Variants in SPSB1 observed in about 807,000 individuals in gnomAD.
SPSB1 encodes the protein splA/ryanodine receptor domain and SOCS box containing 1.
SPSB1 carries 8 observed loss-of-function variants against 21.2 expected under a neutral mutation model. That is an observed-to-expected ratio of 0.38 (90% CI 0.22 to 0.68). The LOEUF (loss-of-function observed/expected upper bound fraction) is 0.68. Ranked by LOEUF, SPSB1 falls within the 30% of genes least tolerant of loss-of-function variation. The pLI, the probability that SPSB1 is intolerant of heterozygous loss-of-function variation, is 0.53. For synonymous variants in SPSB1, 169 were observed against 161.7 expected, an observed-to-expected ratio of 1.05 and a Z score of -0.34; for missense variants, 242 against 377.8, an observed-to-expected ratio of 0.64 and a Z score of 2.98.
chr1:9,339,236 C>T, intron 1 of SPSB1: 1 of 985,394 alleles, frequency 1.0e-6, no homozygotes, highest in Non-Finnish European at 1.2e-6. Flanking sequence ...CAGGCACTTG[C>T]CTAGAATATT....
intron 1 of SPSB1, among the ~76,000 whole-genome samples, chr1:9,327,787 C>T (rs185644827): frequency 1.6e-4 from 25 of 152,336 alleles, no homozygotes; most frequent in African/African-American, 5.5e-4. Context: ...GACTCTGTAG[C>T]GTGAAAGCAG....
chr1:9,309,315 T>G (rs1639478481), intron 1 of SPSB1, among the ~76,000 whole-genome samples: 1 of 150,344 alleles, frequency 6.7e-6, no homozygotes, highest in African/African-American at 2.5e-5. Context: ...TGTGTGTGTG[T>G]GTGTGTGTGT....
intron 1 of SPSB1, among the ~76,000 whole-genome samples, chr1:9,343,807 A>G (rs2100503822): frequency 6.6e-6 from 1 of 151,768 alleles, no homozygotes; most frequent in South Asian, 2.1e-4. Context: ...TTTTTTTGAG[A>G]CAGAGTCTCG....
rs573650871 is a variant in SPSB1 at position 9,316,994 on chromosome 1, G to A, written c.-150+23923G>A. On this transcript the variant is annotated intron_variant, in intron 1 of 2. Coordinates refer to ENST00000328089, the MANE Select transcript of SPSB1 (RefSeq NM_025106.4). ...CCGTAGCAGGGCCAGGCCTCACCTT[G>A]GATGCACCTTCCTGCTTCCAAGTGG... Among the ~76,000 whole-genome samples the A allele has an allele frequency of 1.3e-5, 2 of 152,306 alleles. 1 individual carries two copies. Among genetic ancestry groups the A allele is most frequent in the South Asian group, 4.1e-4 (2 of 4,828 alleles).
intron 1 of SPSB1, chr1:9,339,191 G>A (rs747100306): frequency 7.1e-6 from 7 of 983,324 alleles, no homozygotes; most frequent in Non-Finnish European, 8.5e-6. Flanking sequence ...CCCCAGCGGT[G>A]AGGACCTGTG....
At chr1:9,316,106 G>A (rs976036079) in intron 1 of SPSB1, among the ~76,000 whole-genome samples, 1 of 152,178 alleles carries the variant, frequency 6.6e-6, no homozygotes, top group Non-Finnish European at 1.5e-5. Context: ...TCCTGCTGAG[G>A]GCACCACGGT....
At chr1:9,315,468 G>C (rs961623797) in intron 1 of SPSB1, among the ~76,000 whole-genome samples, 2 of 152,222 alleles carry the variant, frequency 1.3e-5, no homozygotes, top group African/African-American at 4.8e-5. Context: ...TGCTCTCCCC[G>C]TTTTACAGAT....
rs1639716030 is a variant in SPSB1, at chr1:9,321,121, A to C, written c.-150+28050A>C. Among the ~76,000 whole-genome samples, 2 of 149,858 alleles carry C rather than the reference A, an allele frequency of 1.3e-5. No homozygotes were observed. The highest frequency in any genetic ancestry group is 3.0e-5 in the Non-Finnish European group (2 of 67,516). On this transcript the variant is annotated intron_variant, in intron 1 of 2. Coordinates refer to ENST00000328089, the MANE Select transcript of SPSB1 (RefSeq NM_025106.4). The surrounding 1 kb of genome is among the most constrained non-coding windows in gnomAD (Gnocchi z 4.8). ...CCTTTTCCTTCTACCCCTCCCCCGA[A>C]AAGAAAACAACAACCAAAAAATCCC...
intron 1 of SPSB1, among the ~76,000 whole-genome samples, chr1:9,311,585 G>C (rs576275733): frequency 6.6e-6 from 1 of 152,256 alleles, no homozygotes; most frequent in Non-Finnish European, 1.5e-5. Flanking sequence ...ACCAACGCTT[G>C]AGCCAGAGCA....
At chr1:9,294,510 A>C (rs1328449942) in intron 1 of SPSB1, 1 of 152,190 alleles carries the variant, frequency 6.6e-6, no homozygotes, top group African/African-American at 2.4e-5. Flanking sequence ...GGTGCCCCCG[A>C]GGAGAGCGCA....
Position 9,356,216 on chromosome 1 carries a change from C to T in SPSB1, c.325C>T (p.Arg109Trp). 1.3e-6 allele frequency: 2 copies of T among 1,597,448 alleles called. No individual in the cohort carries two copies. Among genetic ancestry groups the T allele is most frequent in the Non-Finnish European group, 8.5e-7 (1 of 1,170,808 alleles). Residue 109 changes from arginine (R) to tryptophan (W), a missense_variant, in exon 2 of 3, where the codon CGG becomes TGG. Arg to Trp is a moderately radical substitution (Grantham distance 101). Transcript: ENST00000328089. This position sits in a 1 kb window ranked among gnomAD's most constrained non-coding sequence, Gnocchi z 7.4. The stretch of plus-strand genomic sequence containing the variant: ...GCAGATCACGTGGGCCATGAGACAG[C>T]GGGGCACACACGCCGTGGTGGGGGT... ...VWQITWAMRQ[R>W]GTHAVVGVAT...
At chr1:9,323,278 G>C (rs761125856) in intron 1 of SPSB1, among the ~76,000 whole-genome samples, 4 of 152,222 alleles carry the variant, frequency 2.6e-5, no homozygotes, top group Non-Finnish European at 5.9e-5. Context: ...GCCGAGCCGA[G>C]GGGGGCTGTG....
At chr1:9,334,137 G>A (rs1362232298) in intron 1 of SPSB1, among the ~76,000 whole-genome samples, 1 of 152,104 alleles carries the variant, frequency 6.6e-6, no homozygotes, top group Admixed American at 6.5e-5. Flanking sequence ...CCAGGCTGGA[G>A]TGCGGTGGTG....
chr1:9,337,491 T>C (rs1042362090), intron 1 of SPSB1, among the ~76,000 whole-genome samples: 4 of 151,100 alleles, frequency 2.6e-5, no homozygotes, highest in Non-Finnish European at 5.9e-5. Flanking sequence ...GAAGCCCTCT[T>C]TGGGGGGATG....
chr1:9,346,796 A>AGCT lies in SPSB1; in HGVS notation c.-149-8942_-149-8940dup, dbSNP rs1247628883. Among the ~76,000 whole-genome samples the AGCT allele has an allele frequency of 6.6e-6, 1 of 152,236 alleles. No individual in the cohort carries two copies. The highest frequency in any genetic ancestry group is 2.4e-5 in the African/African-American group (1 of 41,464). The stretch of plus-strand genomic sequence containing the variant: ...CTCACCTGGCCTTTGCCACATGCAG[A>AGCT]GCTGCTGTGCAGCTGCCACCTGGCT... On this transcript the variant is annotated intron_variant, in intron 1 of 2. Transcript: ENST00000328089. This position sits in a 1 kb window ranked among gnomAD's most constrained non-coding sequence, Gnocchi z 4.4.
intron 1 of SPSB1, among the ~76,000 whole-genome samples, chr1:9,352,821 T>C (rs1640286101): frequency 6.7e-6 from 1 of 149,482 alleles, no homozygotes; most frequent in Non-Finnish European, 1.5e-5. Flanking sequence ...GCCACCTGTC[T>C]CTCCCACCCT....
rs1639774274 is a variant in SPSB1, at chr1:9,324,196, G to A, written c.-150+31125G>A. Among the ~76,000 whole-genome samples the A allele has an allele frequency of 6.6e-6, 1 of 152,182 alleles. No homozygotes were observed. Among genetic ancestry groups the A allele is most frequent in the Non-Finnish European group, 1.5e-5 (1 of 68,024 alleles). On this transcript the variant is annotated intron_variant, in intron 1 of 2. Transcript: ENST00000328089. The surrounding 1 kb of genome is among the most constrained non-coding windows in gnomAD (Gnocchi z 4.3). ...ACTGGTTTTTCTCATCCGGCAAGTG[G>A]ACACCTCTGACGCAGCTGGAATGGG...
rs573259034 is a variant in SPSB1 at position 9,321,768 on chromosome 1, G to A, written c.-150+28697G>A. On this transcript the variant is annotated intron_variant, in intron 1 of 2. Transcript: ENST00000328089. This position sits in a 1 kb window ranked among gnomAD's most constrained non-coding sequence, Gnocchi z 4.8. ...CACATGACTCTGAGTCGGTGGAGGA[G>A]GAGGACTCTGAGAGGCTGGGAGACT... Among the ~76,000 whole-genome samples, 4 of 152,328 alleles carry A rather than the reference G, an allele frequency of 2.6e-5. No individual in the cohort carries two copies. The South Asian group carries it at 8.3e-4, about 32-fold the overall frequency.
At chr1:9,353,161 T>C (rs1180436945) in intron 1 of SPSB1, among the ~76,000 whole-genome samples, 1 of 151,952 alleles carries the variant, frequency 6.6e-6, no homozygotes, top group Non-Finnish European at 1.5e-5. Flanking sequence ...CCCCGCTCCA[T>C]GCAGCTCTGA....
Sources: gnomAD v4.1 joint callset for allele counts (sites outside exome capture counted in the v4.1 genomes callset) on GRCh38, gnomAD v4.1.1 for gene constraint, Gnocchi (gnomAD v3.1) non-coding constraint, MANE v1.5 for transcripts, NCBI Gene and HGNC (gene_info 2026-07-23, HGNC 2026-07-21) for gene names.